AQP11: variants seen among roughly 807,000 people sequenced by gnomAD.
The protein encoded by AQP11 is aquaporin 11, also known as aquaporin-11.
In AQP11, 20 loss-of-function variants were observed where a neutral mutation model predicts 21.1. The observed-to-expected ratio is 0.95, with a 90% confidence interval of 0.67 to 1.38. The LOEUF is 1.38. Ranked by LOEUF, AQP11 falls within the 40% of genes most tolerant of loss-of-function variation. The pLI, the probability that AQP11 is intolerant of heterozygous loss-of-function variation, is 0.00. For missense variants in AQP11, 339 were observed against 340.4 expected, an observed-to-expected ratio of 1.00 and a Z score of 0.03; for synonymous variants, 167 against 150.1, an observed-to-expected ratio of 1.11 and a Z score of -0.82.
intron 2 of AQP11, among the ~76,000 whole-genome samples, chr11:77,605,693 C>T (rs894511252): frequency 2.0e-5 from 3 of 152,062 alleles, no homozygotes; most frequent in Non-Finnish European, 4.4e-5. Context: ...GAAACCGGTC[C>T]CTGGTGCTAA....
rs1286604538 is a variant in AQP11, at chr11:77,590,286, C to G, written c.294C>G (p.Ser98Arg). 6.2e-7 allele frequency: 1 copy of G among 1,604,340 alleles called. No individual in the cohort carries two copies. The highest frequency in any genetic ancestry group is 1.7e-5 in the Admixed American group (1 of 59,380). ...VHGLTLVGTSSNPCGVMMQMM... is the reference protein window; with the variant it reads ...VHGLTLVGTSRNPCGVMMQMM... ...GCCTGACTCTGGTGGGCACGTCCAG[C>G]AACCCGTGCGGCGTGATGATGCAGA... Residue 98 changes from serine to arginine, a missense_variant, in exon 1 of 3, where the codon AGC becomes AGG. Coordinates refer to ENST00000313578, the MANE Select transcript of AQP11 (RefSeq NM_173039.3).
At chr11:77,606,355 G>A (rs1958846505) in intron 2 of AQP11, among the ~76,000 whole-genome samples, 1 of 152,120 alleles carries the variant, frequency 6.6e-6, no homozygotes, top group Admixed American at 6.6e-5. Flanking sequence ...AAAAAGGAAT[G>A]CTAAATCTTC....
In AQP11 at chr11:77,590,399, G is replaced by A. The variant is rs1409714364; in HGVS notation, c.407G>A (p.Ser136Asn). The A allele has an allele frequency of 1.2e-6, 2 of 1,614,010 alleles. No homozygotes were observed. The highest frequency in any genetic ancestry group is 2.2e-5 in the East Asian group (1 of 44,862). Residue 136 changes from serine (S) to asparagine (N), a missense_variant, in exon 1 of 3, where the codon AGC becomes AAC. Ser to Asn is a conservative substitution (Grantham distance 46). Coordinates refer to ENST00000313578, the MANE Select transcript of AQP11 (RefSeq NM_173039.3). The part of the protein sequence containing the change: ...VSALCSRYCT[S>N]ALWSLGLTQY... Reference sequence around the variant, plus strand: ...GCCCTGTGCAGCAGGTACTGCACAAGCGCCTTGTGGAGCTTGGGTCTGACC... The same window carrying A: ...GCCCTGTGCAGCAGGTACTGCACAAACGCCTTGTGGAGCTTGGGTCTGACC...
chr11:77,607,209 A>C (rs988622256), intron 2 of AQP11, among the ~76,000 whole-genome samples: 1 of 152,236 alleles, frequency 6.6e-6, no homozygotes, highest in East Asian at 1.9e-4. Flanking sequence ...ACTGGAAAAA[A>C]AATTGGCTCC....
At chr11:77,601,029 AT>A (rs1195760760) in intron 1 of AQP11, among the ~76,000 whole-genome samples, 4 of 151,970 alleles carry the variant, frequency 2.6e-5, no homozygotes, top group Admixed American at 2.6e-4. Context: ...AAAAAAAAAA[AT>A]CTTGTATATG....
rs532587021 is a variant in AQP11, at chr11:77,599,818, T to C, written c.620-3738T>C. Among the ~76,000 whole-genome samples the C allele has an allele frequency of 5.6e-3, 847 of 151,912 alleles. 14 individuals carry two copies. Among genetic ancestry groups the C allele is most frequent in the African/African-American group, 0.019 (799 of 41,402 alleles). On this transcript the variant is annotated intron_variant, in intron 1 of 2. Transcript: ENST00000313578. ...CCAGGCTAGTCTTGAACTCCTGGACTCAACCAATCCGCCCATCTCAGCCTC... is the reference window on the plus strand; with the variant it reads ...CCAGGCTAGTCTTGAACTCCTGGACCCAACCAATCCGCCCATCTCAGCCTC...
chr11:77,607,619 C>G (rs896654563), intron 2 of AQP11, among the ~76,000 whole-genome samples: 26 of 151,796 alleles, frequency 1.7e-4, no homozygotes, highest in Admixed American at 5.3e-4. Context: ...TATATGTGGC[C>G]TGGTGTAGTA....
intron 1 of AQP11, among the ~76,000 whole-genome samples, chr11:77,598,755 C>T (rs1355470905): frequency 6.6e-6 from 1 of 152,126 alleles, no homozygotes; most frequent in Non-Finnish European, 1.5e-5. Flanking sequence ...TGCTCTGTCG[C>T]CCAGGCTGGA....
intron 1 of AQP11, 165 bp downstream of exon 1, chr11:77,590,776 G>A (rs1590780422): frequency 1.0e-6 from 1 of 985,272 alleles, no homozygotes; most frequent in Non-Finnish European, 1.2e-6. Context: ...CAGTAGGGCC[G>A]ACACGTAGAG....
Position 77,590,248 on chromosome 11 carries a change from T to A in AQP11, c.256T>A (p.Ser86Thr). ...GACGCTGACGCTCGTCTACTTCTTC[T>A]CGCTTGTGCATGGCCTGACTCTGGT... is the stretch of plus-strand genomic sequence containing the variant. ...TWTLTLVYFF[S>T]LVHGLTLVGT... The change falls in exon 1 of 3, where the codon TCG becomes ACG. Residue 86 changes from serine (S) to threonine (T), a missense_variant. Physicochemically the swap from Ser to Thr is moderately conservative, Grantham distance 58. Coordinates refer to ENST00000313578, the MANE Select transcript of AQP11 (RefSeq NM_173039.3). 6.3e-7 allele frequency: 1 copy of A among 1,599,280 alleles called. No homozygotes were observed. Among genetic ancestry groups the A allele is most frequent in the South Asian group, 1.1e-5 (1 of 88,870 alleles).
chr11:77,596,451 A>ATAT (rs1208936681), intron 1 of AQP11, among the ~76,000 whole-genome samples: 2 of 116,946 alleles, frequency 1.7e-5, no homozygotes, highest in Non-Finnish European at 3.4e-5. Flanking sequence ...AATTAAAAAA[A>ATAT]AAAAATATAT....
chr11:77,591,361 C>T (rs865988426), intron 1 of AQP11: 7 of 954,522 alleles, frequency 7.3e-6, no homozygotes, highest in Middle Eastern at 5.3e-4. Flanking sequence ...AAATCCAAAA[C>T]ACAAGTATTT....
intron 1 of AQP11, among the ~76,000 whole-genome samples, chr11:77,591,874 CA>C (rs35792271): frequency 0.18 from 26,909 of 151,556 alleles, 3,002 homozygotes; most frequent in African/African-American, 0.3. Context: ...GACTCTGTCT[CA>C]AAAAAAAGAA....
At chr11:77,598,344 G>C (rs1048581844) in intron 1 of AQP11, among the ~76,000 whole-genome samples, 1 of 152,170 alleles carries the variant, frequency 6.6e-6, no homozygotes, top group Non-Finnish European at 1.5e-5. Flanking sequence ...TCTGGCTGTG[G>C]TAATTTCACC....
intron 1 of AQP11, 68 bp downstream of exon 1, chr11:77,590,679 C>T: frequency 6.5e-7 from 1 of 1,530,240 alleles, no homozygotes; most frequent in Non-Finnish European, 8.7e-7. Flanking sequence ...AAGTTCTTTA[C>T]TAAAATACAT....
chr11:77,598,266 G>C (rs1270477543), intron 1 of AQP11, among the ~76,000 whole-genome samples: 3 of 152,200 alleles, frequency 2.0e-5, no homozygotes, highest in African/African-American at 2.4e-5. Flanking sequence ...CTGTCACAGA[G>C]AATTTTATTC....
rs772661406 is a variant in AQP11 at position 77,603,668 on chromosome 11, T to G, written c.732T>G (p.Ser244=). 15 of 1,574,486 alleles carry G rather than the reference T, an allele frequency of 9.5e-6. No homozygotes were observed. The highest frequency in any genetic ancestry group is 5.5e-5 in the Admixed American group (3 of 54,326). The change falls in exon 2 of 3, where the codon TCT becomes TCG. Residue 244 remains serine, a synonymous_variant. Transcript: ENST00000313578. ...TTATAGTATACTGGCTGGCTCCTTCTTTAGGTAAGCGTATTTTTATTTAAT... is the reference window on the plus strand; with the variant it reads ...TTATAGTATACTGGCTGGCTCCTTCGTTAGGTAAGCGTATTTTTATTTAAT... ...QFFIVYWLAP[S]LGILLMILMF...
chr11:77,594,667 G>GAGGGCACTGAGA (rs1958767956), intron 1 of AQP11, among the ~76,000 whole-genome samples: 1 of 152,142 alleles, frequency 6.6e-6, no homozygotes, highest in African/African-American at 2.4e-5. Context: ...CTTGCATTTT[G>GAGGGCACTGAGA]AGGGCACTGA....
At chr11:77,608,396 G>T (rs576096705) in intron 2 of AQP11, among the ~76,000 whole-genome samples, 2 of 152,266 alleles carry the variant, frequency 1.3e-5, no homozygotes, top group Non-Finnish European at 2.9e-5. Context: ...GCCAAGGGGG[G>T]TGGATCATGA....
Sources: allele counts gnomAD v4.1 joint callset (sites outside exome capture counted in the v4.1 genomes callset), GRCh38; gene constraint gnomAD v4.1.1; transcripts MANE v1.5; gene names NCBI Gene and HGNC (gene_info 2026-07-23, HGNC 2026-07-21).